Variants in ASXL2 observed in about 807,000 individuals in gnomAD.
The protein encoded by ASXL2 is putative Polycomb group protein ASXL2.
In ASXL2, 23 loss-of-function variants were observed where a neutral mutation model predicts 122.0. That is an observed-to-expected ratio of 0.19 (90% CI 0.14 to 0.27). The LOEUF (loss-of-function observed/expected upper bound fraction) is 0.27. Ranked by LOEUF, ASXL2 falls within the 10% of genes least tolerant of loss-of-function variation. The pLI is 1.00. For synonymous variants in ASXL2, 650 were observed against 637.0 expected, an observed-to-expected ratio of 1.02 and a Z score of -0.31; for missense variants, 1,518 against 1,713.8, an observed-to-expected ratio of 0.89 and a Z score of 2.02.
intron 1 of ASXL2, among the ~76,000 whole-genome samples, chr2:25,854,443 T>C (rs1438680915): frequency 5.3e-5 from 8 of 152,018 alleles, no homozygotes; most frequent in Non-Finnish European, 1.2e-4. Context: ...TTGCCTAAGG[T>C]TTTGTCAGCT....
chr2:25,859,969 A>G (rs2089824748), intron 1 of ASXL2, among the ~76,000 whole-genome samples: 1 of 150,826 alleles, frequency 6.6e-6, no homozygotes, highest in African/African-American at 2.5e-5. Flanking sequence ...AGATTGCTTG[A>G]GCTCAGGAGT....
At chr2:25,872,868 G>A (rs534067897) in intron 1 of ASXL2, among the ~76,000 whole-genome samples, 56 of 152,158 alleles carry the variant, frequency 3.7e-4, no homozygotes, top group African/African-American at 1.2e-3. Context: ...TAGCCCAGAC[G>A]GTTTCTCAGG....
At chr2:25,851,130 G>C (rs1014258941) in intron 1 of ASXL2, among the ~76,000 whole-genome samples, 4 of 143,254 alleles carry the variant, frequency 2.8e-5, no homozygotes, top group African/African-American at 1.0e-4. Context: ...TGGGCAACAA[G>C]AGCAAAACTC....
chr2:25,824,866 C>T (rs537705120), intron 3 of ASXL2, among the ~76,000 whole-genome samples: 1 of 152,276 alleles, frequency 6.6e-6, no homozygotes, highest in East Asian at 1.9e-4. Flanking sequence ...TTCTTAGTTT[C>T]TTTCTGGGGC....
intron 5 of ASXL2, among the ~76,000 whole-genome samples, chr2:25,793,013 G>C (rs1324197995): frequency 6.6e-6 from 1 of 151,980 alleles, no homozygotes; most frequent in Non-Finnish European, 1.5e-5. Flanking sequence ...AGCACTTTGG[G>C]AAGCTGAGGC....
At chr2:25,770,985 C>A (rs36122793) in intron 6 of ASXL2, among the ~76,000 whole-genome samples, 4,541 of 152,256 alleles carry the variant, frequency 0.03, 103 homozygotes, top group Non-Finnish European at 0.038. Flanking sequence ...CGCCTGTAAT[C>A]CCAGCACCTT....
intron 6 of ASXL2, 62 bp from the exon 7 acceptor site, chr2:25,768,930 T>C (rs1301743813): frequency 6.5e-6 from 10 of 1,530,978 alleles, no homozygotes; most frequent in Non-Finnish European, 8.8e-6. Context: ...ATAATATAAA[T>C]TACTTCTTTT....
At chr2:25,816,373 T>C (rs565813011) in intron 3 of ASXL2, among the ~76,000 whole-genome samples, 70 of 152,368 alleles carry the variant, frequency 4.6e-4, no homozygotes, top group African/African-American at 1.5e-3. Context: ...CACACCATCG[T>C]GTGACCTTGC....
In ASXL2 at chr2:25,768,841, GCTT is replaced by G. The variant is rs1386300933; in HGVS notation, c.529_531del (p.Lys177del). 24 of 1,613,496 alleles carry G rather than the reference GCTT, an allele frequency of 1.5e-5. No individual in the cohort carries two copies. The highest frequency in any genetic ancestry group is 3.3e-5 in the Admixed American group (2 of 60,004). On this transcript the variant is annotated inframe_deletion, in exon 7 of 13. Coordinates refer to ENST00000435504, the MANE Select transcript of ASXL2 (RefSeq NM_018263.6). ...ATGCTTGGCCTGCATTGCTGCTGCT[GCTT>G]CTTCTGCTGTTGCTGCTTTAGCGCC...
intron 5 of ASXL2, among the ~76,000 whole-genome samples, chr2:25,789,335 T>C (rs917718175): frequency 2.6e-5 from 4 of 151,476 alleles, no homozygotes; most frequent in African/African-American, 7.3e-5. Flanking sequence ...AATAATGTAA[T>C]AGCAAAAAAT....
chr2:25,751,297 T>C (rs973457354), intron 11 of ASXL2, among the ~76,000 whole-genome samples: 6 of 152,090 alleles, frequency 3.9e-5, no homozygotes, highest in Non-Finnish European at 5.9e-5. Flanking sequence ...AAAGTAATAG[T>C]TGAAAATAGA....
Position 25,750,341 on chromosome 2 carries a change from T to C in ASXL2, c.1215A>G (p.Pro405=). Reference sequence around the variant, plus strand: ...CAGGCATGGATTTTGGTTGTTCAGCTGGGGTTTTCTTTACTTTGGGATCAC... The same window carrying C: ...CAGGCATGGATTTTGGTTGTTCAGCCGGGGTTTTCTTTACTTTGGGATCAC... ...SPSDPKVKKT[P]AEQPKSMPVS... is the part of the protein sequence containing the mutation. The change falls in exon 12 of 13, where the codon CCA becomes CCG. Residue 405 remains proline, a synonymous_variant. Coordinates refer to ENST00000435504, the MANE Select transcript of ASXL2 (RefSeq NM_018263.6). The C allele has an allele frequency of 6.2e-7, 1 of 1,613,924 alleles. No homozygotes were observed. Among genetic ancestry groups the C allele is most frequent in the Admixed American group, 1.7e-5 (1 of 60,004 alleles).
chr2:25,739,062 CA>C lies in ASXL2; in HGVS notation c.*2966del, dbSNP rs1435390141. The C allele has an allele frequency of 1.3e-5, 2 of 152,190 alleles. No individual in the cohort carries two copies. The highest frequency in any genetic ancestry group is 6.5e-5 in the Admixed American group (1 of 15,288). The allele number at this position is 152,190 out of a possible 1,614,324, so 9.4% of individuals were successfully genotyped here. On this transcript the variant is annotated 3_prime_UTR_variant, in exon 13 of 13. Transcript: ENST00000435504. Reference sequence around the variant, plus strand: ...CTAGACAACTTAGAATCTTTATAAACAAGACTGAGACTATATTATTGATGCT... The same window carrying C: ...CTAGACAACTTAGAATCTTTATAAACAGACTGAGACTATATTATTGATGCT...
In ASXL2 at chr2:25,753,589, C is replaced by G; in HGVS notation, c.1087G>C (p.Glu363Gln). 1 of 1,613,520 alleles carries G rather than the reference C, an allele frequency of 6.2e-7. No homozygotes were observed. Among genetic ancestry groups the G allele is most frequent in the Non-Finnish European group, 8.5e-7 (1 of 1,179,736 alleles). ...TCTTTCCATGGCTCCACTTTTTTCT[C>G]CTTCTCAATCTCTTGTCGAATTCTC... ...QVRIRQEIEK[E>Q]KKVEPWKEQF... Residue 363 changes from glutamate (E) to glutamine (Q), a missense_variant, in exon 11 of 13, where the codon GAG becomes CAG. By Grantham distance (29) the Glu-to-Gln change is conservative. Transcript: ENST00000435504.
At chr2:25,805,929 G>A (rs2089074303) in intron 4 of ASXL2, among the ~76,000 whole-genome samples, 2 of 152,076 alleles carry the variant, frequency 1.3e-5, no homozygotes, top group South Asian at 2.1e-4. Flanking sequence ...TGCCCACCTC[G>A]GCCTCCTAAA....
intron 5 of ASXL2, chr2:25,780,147 G>C (rs1046230542): frequency 6.6e-6 from 1 of 151,942 alleles, no homozygotes; most frequent in Non-Finnish European, 1.5e-5. Context: ...CAACATGCCT[G>C]GCCCATTTTA....
intron 2 of ASXL2, among the ~76,000 whole-genome samples, chr2:25,840,068 A>G (rs939066236): frequency 2.0e-5 from 3 of 152,030 alleles, no homozygotes; most frequent in Non-Finnish European, 4.4e-5. Context: ...ATGCATAAAA[A>G]CAACATAATG....
At chr2:25,755,547 ATGAAG>A (rs1290022207) in intron 10 of ASXL2, among the ~76,000 whole-genome samples, 5 of 152,206 alleles carry the variant, frequency 3.3e-5, no homozygotes, top group Admixed American at 2.6e-4. Flanking sequence ...ATATACCTTA[ATGAAG>A]TGATCTTTTA....
Position 25,742,566 on chromosome 2 carries a change from A to G in ASXL2, c.3771T>C (p.Asp1257=), listed in dbSNP as rs773133219. ...NYLFTRGQTF[D]EKTLARDLIQ... ...TTAAATCTCTGGCTAGGGTCTTTTC[A>G]TCAAATGTTTGGCCTCTAGTGAACA... Residue 1257 remains aspartate, a synonymous_variant, in exon 13 of 13, where the codon GAT becomes GAC. Coordinates refer to ENST00000435504, the MANE Select transcript of ASXL2 (RefSeq NM_018263.6). 1.9e-6 allele frequency: 3 copies of G among 1,613,872 alleles called. No individual in the cohort carries two copies. Among genetic ancestry groups the G allele is most frequent in the African/African-American group, 1.3e-5 (1 of 74,924 alleles).
Sources: allele counts gnomAD v4.1 joint callset (sites outside exome capture counted in the v4.1 genomes callset), GRCh38; gene constraint gnomAD v4.1.1; transcripts MANE v1.5; gene names NCBI Gene and HGNC (gene_info 2026-07-23, HGNC 2026-07-21).